The following CCDC190 variants were observed in gnomAD, a reference collection of about 807,000 sequenced individuals.
CCDC190 encodes coiled-coil domain-containing protein 190.
CCDC190 carries 10 observed loss-of-function variants against 13.1 expected under a neutral mutation model. The ratio of observed to expected loss-of-function variants is 0.77; its 90% CI spans 0.47 to 1.30. CCDC190 has a LOEUF of 1.30. CCDC190 is among the 50% of genes most tolerant of loss of function. CCDC190 has a pLI of 0.00. For synonymous variants in CCDC190, 136 were observed against 127.2 expected (o/e 1.07, Z -0.47); for missense variants, 375 against 354.3 (o/e 1.06, Z -0.47).
intron 2 of CCDC190, 43 bp from the exon 3 acceptor site, chr1:162,855,798 C>G: frequency 1.3e-6 from 2 of 1,545,392 alleles, no homozygotes; most frequent in Non-Finnish European, 8.7e-7. Context: ...TGGATTGTGT[C>G]CTTAAATTTT....
Position 162,853,976 on chromosome 1 carries a change from C to T in CCDC190, c.*789G>A, listed in dbSNP as rs549973944. ...TGTTGGATGGGAAACAAAATCTAATCGATTCTTTTACAGTGTAGCCCAAGA... is the reference window on the plus strand; with the variant it reads ...TGTTGGATGGGAAACAAAATCTAATTGATTCTTTTACAGTGTAGCCCAAGA... On this transcript the variant is annotated 3_prime_UTR_variant, in exon 4 of 4. Coordinates refer to ENST00000367912, the MANE Select transcript of CCDC190 (RefSeq NM_001394065.1). 1.9e-3 allele frequency among the ~76,000 whole-genome samples: 294 copies of T among 152,234 alleles called. 1 individual carries two copies. Among genetic ancestry groups the T allele is most frequent in the Non-Finnish European group, 2.9e-3 (200 of 68,012 alleles).
In CCDC190 at chr1:162,859,485, T is replaced by C. The variant is rs765655791; in HGVS notation, c.162A>G (p.Gln54=). 6.2e-7 allele frequency: 1 copy of C among 1,613,604 alleles called. No homozygotes were observed. Among genetic ancestry groups the C allele is most frequent in the South Asian group, 1.1e-5 (1 of 90,956 alleles). ...KLLTWEQRQL[Q]KELQRLQQET... is the part of the protein sequence containing the mutation. ...CTTGCTGCAACCTCTGCAGTTCTTT[T>C]TGGAGCTGCCTCTGCTCCCAGGTCA... Residue 54 remains glutamine (Q), a synonymous_variant, in exon 2 of 4, where the codon CAA becomes CAG. Coordinates refer to ENST00000367912, the MANE Select transcript of CCDC190 (RefSeq NM_001394065.1).
Position 162,854,879 on chromosome 1 carries a change from A to T in CCDC190, c.792T>A (p.Pro264=). The T allele has an allele frequency of 6.2e-7, 1 of 1,613,948 alleles. No homozygotes were observed. The highest frequency in any genetic ancestry group is 8.5e-7 in the Non-Finnish European group (1 of 1,179,808). ...NAHYLRHRVP[P]ESERLLSIGE... ...CAATGCTAAGCAACCTCTCAGACTCAGGGGGGACCCTGTGCCGGAGATAAT... is the reference window on the plus strand; with the variant it reads ...CAATGCTAAGCAACCTCTCAGACTCTGGGGGGACCCTGTGCCGGAGATAAT... Residue 264 remains proline (P), a synonymous_variant, in exon 4 of 4, where the codon CCT becomes CCA. Transcript: ENST00000367912.
chr1:162,866,495 T>A (rs1346587601), intron 1 of CCDC190, among the ~76,000 whole-genome samples: 1 of 152,084 alleles, frequency 6.6e-6, no homozygotes, highest in Non-Finnish European at 1.5e-5. Flanking sequence ...GCTAGAATCC[T>A]AAGTATTTTA....
In CCDC190 at chr1:162,859,507, G is replaced by A; in HGVS notation, c.140C>T (p.Thr47Ile). Residue 47 changes from threonine to isoleucine, a missense_variant, in exon 2 of 4, where the codon ACC becomes ATC. Physicochemically the swap from Thr to Ile is moderately conservative, Grantham distance 89. Coordinates refer to ENST00000367912, the MANE Select transcript of CCDC190 (RefSeq NM_001394065.1). ...TTTTTGGAGCTGCCTCTGCTCCCAG[G>A]TCAGCAATTTCACATGGTAGAGGCA... ...VICLYHVKLLTWEQRQLQKEL... is the reference protein window; with the variant it reads ...VICLYHVKLLIWEQRQLQKEL... 6.2e-7 allele frequency: 1 copy of A among 1,613,708 alleles called. No homozygotes were observed. Among genetic ancestry groups the A allele is most frequent in the African/African-American group, 1.3e-5 (1 of 75,044 alleles).
upstream of CCDC190, among the ~76,000 whole-genome samples, chr1:162,863,801 A>T (rs1650605635): frequency 6.6e-6 from 1 of 152,148 alleles, no homozygotes; most frequent in Admixed American, 6.5e-5. Flanking sequence ...CAGGCAGATC[A>T]CAAGGTCACG....
At chr1:162,856,674 C>A (rs1476215828) in intron 2 of CCDC190, among the ~76,000 whole-genome samples, 1 of 152,168 alleles carries the variant, frequency 6.6e-6, no homozygotes, top group African/African-American at 2.4e-5. Flanking sequence ...TGGGAGAGAA[C>A]TCTTTAAATC....
At chr1:162,857,371 C>T (rs574102535) in intron 2 of CCDC190, among the ~76,000 whole-genome samples, 18 of 152,318 alleles carry the variant, frequency 1.2e-4, no homozygotes, top group African/African-American at 4.3e-4. Flanking sequence ...GTCTCAAACC[C>T]TACAGGGTGA....
intron 1 of CCDC190, among the ~76,000 whole-genome samples, chr1:162,860,485 A>G (rs939076237): frequency 6.6e-6 from 1 of 152,106 alleles, no homozygotes; most frequent in Non-Finnish European, 1.5e-5. Flanking sequence ...TTGAGTCTCT[A>G]TAATACTTTT....
upstream of CCDC190, among the ~76,000 whole-genome samples, chr1:162,861,981 G>A (rs892240351): frequency 1.3e-5 from 2 of 152,004 alleles, no homozygotes; most frequent in Non-Finnish European, 2.9e-5. Context: ...GTGGCAGGGA[G>A]GAAGAGGAGC....
chr1:162,856,657 G>T (rs1251297813), intron 2 of CCDC190, among the ~76,000 whole-genome samples: 2 of 152,162 alleles, frequency 1.3e-5, no homozygotes, highest in Non-Finnish European at 2.9e-5. Flanking sequence ...GACTAGTTTT[G>T]CTCTAATGGG....
At chr1:162,868,472 A>C (rs1262179310) in intron 1 of CCDC190, among the ~76,000 whole-genome samples, 2 of 152,228 alleles carry the variant, frequency 1.3e-5, no homozygotes, top group Non-Finnish European at 2.9e-5. Context: ...CTGCAAGAAC[A>C]AATCAACAAT....
At chr1:162,863,134 A>G (rs74680634), upstream of CCDC190, among the ~76,000 whole-genome samples, 2,535 of 152,262 alleles carry the variant, frequency 0.017, 72 homozygotes, top group African/African-American at 0.057. Flanking sequence ...CAGTAAAGTG[A>G]TTTTGATTAA....
At position 162,852,131 on chromosome 1, in the gene CCDC190, T is replaced by C. The variant is rs897358245; in HGVS notation, c.*2634A>G. 5 of 152,266 alleles carry C rather than the reference T, an allele frequency of 3.3e-5. No individual in the cohort carries two copies. Among genetic ancestry groups the C allele is most frequent in the African/African-American group, 1.2e-4 (5 of 41,460 alleles). 9.4% of individuals were successfully genotyped at this position (152,266 alleles called of 1,614,324 possible). On this transcript the variant is annotated 3_prime_UTR_variant, in exon 4 of 4. Transcript: ENST00000367912. ...GTTTCCAATCTTGGCGCTATTGATG[T>C]TTCGGGCTTGTTAATTCTTTGTTTT...
At chr1:162,858,788 C>T (rs1650398657) in intron 2 of CCDC190, among the ~76,000 whole-genome samples, 1 of 152,158 alleles carries the variant, frequency 6.6e-6, no homozygotes, top group Non-Finnish European at 1.5e-5. Flanking sequence ...GACTGTACAA[C>T]TGTGACTATT....
In CCDC190 at chr1:162,855,614, T is replaced by TA. The variant is rs759039651; in HGVS notation, c.311+17dup. On this transcript the variant is annotated intron_variant, in intron 3 of 3. Transcript: ENST00000367912. Reference sequence around the variant, plus strand: ...AGACTTAATGTCATACCCATGGGTTTAGTAATCCATTTCTTACCTCATTTT... The same window carrying TA: ...AGACTTAATGTCATACCCATGGGTTTAAGTAATCCATTTCTTACCTCATTTT... 1 of 1,612,428 alleles carries TA rather than the reference T, an allele frequency of 6.2e-7. No homozygotes were observed. Among genetic ancestry groups the TA allele is most frequent in the South Asian group, 1.1e-5 (1 of 90,656 alleles).
chr1:162,853,283 C>A lies in CCDC190; in HGVS notation c.*1482G>T. 1.5e-6 allele frequency: 1 copy of A among 672,484 alleles called. No homozygotes were observed. 41.7% of individuals were successfully genotyped at this position (672,484 alleles called of 1,614,324 possible). ...AGAAGAGAGATCAAATGCTAGTCTG[C>A]CATCTATTAGCAAGTTACCACCACT... On this transcript the variant is annotated 3_prime_UTR_variant, in exon 4 of 4. Transcript: ENST00000367912.
chr1:162,854,962 C>T lies in CCDC190; in HGVS notation c.709G>A (p.Glu237Lys), dbSNP rs780778113. The T allele has an allele frequency of 5.0e-6, 8 of 1,613,882 alleles. No individual in the cohort carries two copies. The highest frequency in any genetic ancestry group is 6.8e-6 in the Non-Finnish European group (8 of 1,179,886). Reference protein sequence around the residue: ...PKHMECAGSFEGEFTKPTFLE... With the variant: ...PKHMECAGSFKGEFTKPTFLE... The stretch of plus-strand genomic sequence containing the variant: ...AAGGTTGGCTTTGTGAACTCGCCTT[C>T]GAAGCTTCCTGCACATTCCATGTGT... The change falls in exon 4 of 4, where the codon GAA becomes AAA. Residue 237 changes from glutamate (E) to lysine (K), a missense_variant. Transcript: ENST00000367912.
At chr1:162,855,545 G>A in intron 3 of CCDC190, 87 bp downstream of exon 3, 1 of 1,555,758 alleles carries the variant, frequency 6.4e-7, no homozygotes, top group South Asian at 1.2e-5. Flanking sequence ...GTGGAACGGA[G>A]CATTTCTTCA....
Sources: gnomAD v4.1 joint callset for allele counts (sites outside exome capture counted in the v4.1 genomes callset) on GRCh38, gnomAD v4.1.1 for gene constraint, MANE v1.5 for transcripts, NCBI Gene and HGNC (gene_info 2026-07-23, HGNC 2026-07-21) for gene names.